The following PLA2G2E variants were observed in gnomAD, a reference collection of about 807,000 sequenced individuals.
PLA2G2E encodes the protein group IIE secretory phospholipase A2.
In PLA2G2E, 14 loss-of-function variants were observed where a neutral mutation model predicts 16.5. That is an observed-to-expected ratio of 0.85 (90% CI 0.56 to 1.33). The LOEUF (loss-of-function observed/expected upper bound fraction) is 1.33, where lower values mean the gene tolerates loss of function less well. Among genes scored for constraint, PLA2G2E ranks in the 40% most tolerant of loss-of-function variants. The pLI is 0.00. For synonymous variants in PLA2G2E, 72 were observed against 77.2 expected (o/e 0.93, Z 0.36); for missense variants, 174 against 190.7 (o/e 0.91, Z 0.52).
At position 19,920,516 on chromosome 1, in the gene PLA2G2E, C is replaced by G. The variant is rs901735847; in HGVS notation, c.287-67G>C. ...ATATGTGTGGGACAGCTCTTGGCTG[C>G]TTCTGGGTCCACGTTCTTGACCTGG... On this transcript the variant is annotated intron_variant, in intron 3 of 3. Coordinates refer to ENST00000375116, the MANE Select transcript of PLA2G2E (RefSeq NM_014589.3). The surrounding 1 kb of genome is among the most constrained non-coding windows in gnomAD (Gnocchi z 4.3). The G allele has an allele frequency of 2.0e-6, 3 of 1,528,554 alleles. No homozygotes were observed. Among genetic ancestry groups the G allele is most frequent in the Non-Finnish European group, 1.8e-6 (2 of 1,123,604 alleles). The allele number at this position is 1,528,554 out of a possible 1,614,324, so 94.7% of individuals were successfully genotyped here.
rs2045807933 is a variant in PLA2G2E, at chr1:19,920,753, C to T, written c.287-304G>A. On this transcript the variant is annotated intron_variant, in intron 3 of 3. Coordinates refer to ENST00000375116, the MANE Select transcript of PLA2G2E (RefSeq NM_014589.3). The surrounding 1 kb of genome is among the most constrained non-coding windows in gnomAD (Gnocchi z 4.3). Reference sequence around the variant, plus strand: ...ACGTGGTTCCCTAACTCTCACTGCCCCCGACCAGGGGGATTTCTAGGCAAC... The same window carrying T: ...ACGTGGTTCCCTAACTCTCACTGCCTCCGACCAGGGGGATTTCTAGGCAAC... Among the ~76,000 whole-genome samples, 1 of 152,142 alleles carries T rather than the reference C, an allele frequency of 6.6e-6. No individual in the cohort carries two copies. The highest frequency in any genetic ancestry group is 2.4e-5 in the African/African-American group (1 of 41,440).
Position 19,920,108 on chromosome 1 carries a change from AG to A in PLA2G2E, c.*198del. ...CTGAAGGGTCCATGGCTCCTGGGGC[AG>A]GGTTCTTTCTACAGAGAAGGGGTAG... On this transcript the variant is annotated 3_prime_UTR_variant, in exon 4 of 4. Coordinates refer to ENST00000375116, the MANE Select transcript of PLA2G2E (RefSeq NM_014589.3). The surrounding 1 kb of genome is among the most constrained non-coding windows in gnomAD (Gnocchi z 4.3). The A allele has an allele frequency of 1.8e-6, 1 of 563,866 alleles. No individual in the cohort carries two copies. The allele number at this position is 563,866 out of a possible 1,614,324, so 34.9% of individuals were successfully genotyped here. A position where few individuals can be genotyped will look rare whatever the true frequency, so the allele number is the denominator to read the frequency against.
At chr1:19,921,127 C>T (rs2100354588) in intron 3 of PLA2G2E, among the ~76,000 whole-genome samples, 1 of 152,378 alleles carries the variant, frequency 6.6e-6, no homozygotes, top group Non-Finnish European at 1.5e-5. Flanking sequence ...GTGGCCCTGG[C>T]TCCCTTTTGT....
At chr1:19,921,950 G>GCTC (rs1358775440) in intron 3 of PLA2G2E, among the ~76,000 whole-genome samples, 14 of 152,372 alleles carry the variant, frequency 9.2e-5, no homozygotes, top group African/African-American at 3.4e-4. Context: ...TTCACCTTTA[G>GCTC]CTCCTGTTGA....
intron 1 of PLA2G2E, 47 bp downstream of exon 1, chr1:19,923,473 G>C (rs1315802859): frequency 4.0e-6 from 6 of 1,506,958 alleles, no homozygotes; most frequent in Non-Finnish European, 5.4e-6. Flanking sequence ...AGGGAGCTTG[G>C]GGTTGCCAGA....
chr1:19,922,385 A>G lies in PLA2G2E; in HGVS notation c.199T>C (p.Cys67Arg). Residue 67 changes from cysteine (C) to arginine (R), a missense_variant, in exon 3 of 4, where the codon TGC becomes CGC. Cys to Arg is a radical substitution (Grantham distance 180). Transcript: ENST00000375116. The stretch of plus-strand genomic sequence containing the variant: ...AGCTTCTCCAGACGCCCGTAGCAGC[A>G]GTCGTGGGCGTGGCAGCACCTGTAA... Reference protein sequence around the residue: ...QTDWCCHAHDCCYGRLEKLGC... With the variant: ...QTDWCCHAHDRCYGRLEKLGC... 22 of 1,613,948 alleles carry G rather than the reference A, an allele frequency of 1.4e-5. No individual in the cohort carries two copies. The highest frequency in any genetic ancestry group is 1.8e-5 in the Non-Finnish European group (21 of 1,179,854).
At chr1:19,923,420 G>A in intron 1 of PLA2G2E, 100 bp downstream of exon 1, 6 of 1,041,242 alleles carry the variant, frequency 5.8e-6, no homozygotes, top group Non-Finnish European at 8.3e-6. Context: ...TCCAGTGTTT[G>A]GCATCCACCA....
rs1475205574 is a variant in PLA2G2E at position 19,920,215 on chromosome 1, G to A, written c.*92C>T. 1.8e-5 allele frequency: 20 copies of A among 1,126,598 alleles called. No individual in the cohort carries two copies. In the South Asian group the frequency reaches 2.8e-4, roughly 16 times the overall value. 69.8% of individuals were successfully genotyped at this position (1,126,598 alleles called of 1,614,324 possible). ...GTTTGCAGGAAAGGAATTTTCCAAAGGGAGGGCCTTTGGTGCCAATGTTCC... is the reference window on the plus strand; with the variant it reads ...GTTTGCAGGAAAGGAATTTTCCAAAAGGAGGGCCTTTGGTGCCAATGTTCC... On this transcript the variant is annotated 3_prime_UTR_variant, in exon 4 of 4. Transcript: ENST00000375116. The surrounding 1 kb of genome is among the most constrained non-coding windows in gnomAD (Gnocchi z 4.3).
In PLA2G2E at chr1:19,920,586, C is replaced by A; in HGVS notation, c.287-137G>T. 2.4e-6 allele frequency: 2 copies of A among 830,134 alleles called. No homozygotes were observed. The highest frequency in any genetic ancestry group is 1.9e-6 in the Non-Finnish European group (1 of 538,412). The allele number at this position is 830,134 out of a possible 1,614,324, so 51.4% of individuals were successfully genotyped here. A position where few individuals can be genotyped will look rare whatever the true frequency, so the allele number is the denominator to read the frequency against. On this transcript the variant is annotated intron_variant, in intron 3 of 3. Transcript: ENST00000375116. This position sits in a 1 kb window ranked among gnomAD's most constrained non-coding sequence, Gnocchi z 4.3. Reference sequence around the variant, plus strand: ...AAGCCCAAGCTCCCGGGTTGTTTCACGGATGGGTGAGACAAGAGACAAGGG... The same window carrying A: ...AAGCCCAAGCTCCCGGGTTGTTTCAAGGATGGGTGAGACAAGAGACAAGGG...
At position 19,922,759 on chromosome 1, in the gene PLA2G2E, C is replaced by A; in HGVS notation, c.41-4G>T. ...AGGTTCCCGGTGACCAGAGCCACTG[C>A]AGAGAGGGAGAGGGAGAGGGAGAGG... On this transcript the variant is annotated splice_polypyrimidine_tract_variant and splice_region_variant and intron_variant, in intron 1 of 3. Coordinates refer to ENST00000375116, the MANE Select transcript of PLA2G2E (RefSeq NM_014589.3). The A allele has an allele frequency of 6.2e-7, 1 of 1,603,276 alleles. No homozygotes were observed. The highest frequency in any genetic ancestry group is 8.5e-7 in the Non-Finnish European group (1 of 1,176,298).
In PLA2G2E at chr1:19,920,422, G is replaced by T; in HGVS notation, c.314C>A (p.Thr105Asn). The T allele has an allele frequency of 1.2e-6, 2 of 1,613,854 alleles. No individual in the cohort carries two copies. Among genetic ancestry groups the T allele is most frequent in the Non-Finnish European group, 1.7e-6 (2 of 1,179,854 alleles). Residue 105 changes from threonine to asparagine, a missense_variant, in exon 4 of 4, where the codon ACC becomes AAC. By Grantham distance (65) the Thr-to-Asn change is moderately conservative. Coordinates refer to ENST00000375116, the MANE Select transcript of PLA2G2E (RefSeq NM_014589.3). The surrounding 1 kb of genome is among the most constrained non-coding windows in gnomAD (Gnocchi z 4.3). ...GGCAGCCCTCTTGTCACACTCGCAG[G>T]TCAGCCGCTGGCAGGTGGTCCTGCC... ...CAGRTTCQRLTCECDKRAALC... is the reference protein window; with the variant it reads ...CAGRTTCQRLNCECDKRAALC...
At position 19,920,648 on chromosome 1, in the gene PLA2G2E, G is replaced by A. The variant is rs1280018467; in HGVS notation, c.287-199C>T. ...GTGGCTCAGGACACCAGGGAAGCTGGAAGCTTGCCCTCGCTGTCCCTCCCT... is the reference window on the plus strand; with the variant it reads ...GTGGCTCAGGACACCAGGGAAGCTGAAAGCTTGCCCTCGCTGTCCCTCCCT... On this transcript the variant is annotated intron_variant, in intron 3 of 3. Transcript: ENST00000375116. This position sits in a 1 kb window ranked among gnomAD's most constrained non-coding sequence, Gnocchi z 4.3. 1.3e-5 allele frequency among the ~76,000 whole-genome samples: 2 copies of A among 152,150 alleles called. No homozygotes were observed. Among genetic ancestry groups the A allele is most frequent in the Non-Finnish European group, 2.9e-5 (2 of 68,012 alleles).
At position 19,920,567 on chromosome 1, in the gene PLA2G2E, A is replaced by G; in HGVS notation, c.287-118T>C. 3 of 1,033,468 alleles carry G rather than the reference A, an allele frequency of 2.9e-6. No individual in the cohort carries two copies. Among genetic ancestry groups the G allele is most frequent in the South Asian group, 3.2e-5 (2 of 63,266 alleles). 64.0% of individuals were successfully genotyped at this position (1,033,468 alleles called of 1,614,324 possible). A position where few individuals can be genotyped will look rare whatever the true frequency, so the allele number is the denominator to read the frequency against. ...ACCAACTCCATTCTGATGGAAGCCC[A>G]AGCTCCCGGGTTGTTTCACGGATGG... On this transcript the variant is annotated intron_variant, in intron 3 of 3. Coordinates refer to ENST00000375116, the MANE Select transcript of PLA2G2E (RefSeq NM_014589.3). The surrounding 1 kb of genome is among the most constrained non-coding windows in gnomAD (Gnocchi z 4.3).
rs1388330670 is a variant in PLA2G2E, at chr1:19,922,601, C to A, written c.179+16G>T. 2 of 1,613,422 alleles carry A rather than the reference C, an allele frequency of 1.2e-6. No individual in the cohort carries two copies. The highest frequency in any genetic ancestry group is 8.5e-7 in the Non-Finnish European group (1 of 1,179,682). On this transcript the variant is annotated intron_variant, in intron 2 of 3. Coordinates refer to ENST00000375116, the MANE Select transcript of PLA2G2E (RefSeq NM_014589.3). Reference sequence around the variant, plus strand: ...CTCCATCCCCATGGAGGTCCCCCTGCAGGCTGCTTCCTCACCAGTCAGTCT... The same window carrying A: ...CTCCATCCCCATGGAGGTCCCCCTGAAGGCTGCTTCCTCACCAGTCAGTCT...
Position 19,920,164 on chromosome 1 carries a change from A to C in PLA2G2E, c.*143T>G. ...GGAGGCTAGTGATGGTCCAGGACAT[A>C]TCTCTGAGCTCTCAAGGAGGGATGA... On this transcript the variant is annotated 3_prime_UTR_variant, in exon 4 of 4. Coordinates refer to ENST00000375116, the MANE Select transcript of PLA2G2E (RefSeq NM_014589.3). The surrounding 1 kb of genome is among the most constrained non-coding windows in gnomAD (Gnocchi z 4.3). The C allele has an allele frequency of 1.4e-6, 1 of 697,532 alleles. No homozygotes were observed. Among genetic ancestry groups the C allele is most frequent in the Non-Finnish European group, 2.4e-6 (1 of 419,408 alleles). 43.2% of individuals were successfully genotyped at this position (697,532 alleles called of 1,614,324 possible). A position where few individuals can be genotyped will look rare whatever the true frequency, so the allele number is the denominator to read the frequency against.
At position 19,920,320 on chromosome 1, in the gene PLA2G2E, G is replaced by C; in HGVS notation, c.416C>G (p.Thr139Ser). ...CCGAGCATAGCCTCAGCAGGGCGGG[G>C]TGGGCCCGGTGCACAGCTTGTTGGG... ...HYPNKLCTGPTPPC is the reference protein window; with the variant it reads ...HYPNKLCTGPSPPC Residue 139 changes from threonine (T) to serine (S), a missense_variant, in exon 4 of 4, where the codon ACC becomes AGC. Physicochemically the swap from Thr to Ser is moderately conservative, Grantham distance 58. Transcript: ENST00000375116. This position sits in a 1 kb window ranked among gnomAD's most constrained non-coding sequence, Gnocchi z 4.3. The C allele has an allele frequency of 6.2e-7, 1 of 1,612,480 alleles. No homozygotes were observed. The highest frequency in any genetic ancestry group is 8.5e-7 in the Non-Finnish European group (1 of 1,179,674).
At chr1:19,921,920 G>A (rs2045819230) in intron 3 of PLA2G2E, among the ~76,000 whole-genome samples, 1 of 152,248 alleles carries the variant, frequency 6.6e-6, no homozygotes, top group African/African-American at 2.4e-5. Context: ...CAAAGCCCCA[G>A]CTCGTTCTGT....
In PLA2G2E at chr1:19,922,759, CAGAGAG is replaced by C. The variant is rs752598234; in HGVS notation, c.41-10_41-5del. ...AGGTTCCCGGTGACCAGAGCCACTG[CAGAGAG>C]GGAGAGGGAGAGGGAGAGGGAGGGC... On this transcript the variant is annotated splice_polypyrimidine_tract_variant and splice_region_variant and intron_variant, in intron 1 of 3. Transcript: ENST00000375116. 9.4e-6 allele frequency: 15 copies of C among 1,603,282 alleles called. No individual in the cohort carries two copies. In the African/African-American group the frequency reaches 2.0e-4, roughly 21 times the overall value.
rs1415291732 is a variant in PLA2G2E, at chr1:19,920,639, G to A, written c.287-190C>T. Among the ~76,000 whole-genome samples, 1 of 152,154 alleles carries A rather than the reference G, an allele frequency of 6.6e-6. No individual in the cohort carries two copies. Among genetic ancestry groups the A allele is most frequent in the Non-Finnish European group, 1.5e-5 (1 of 68,014 alleles). ...GGGCGCACTGTGGCTCAGGACACCA[G>A]GGAAGCTGGAAGCTTGCCCTCGCTG... On this transcript the variant is annotated intron_variant, in intron 3 of 3. Coordinates refer to ENST00000375116, the MANE Select transcript of PLA2G2E (RefSeq NM_014589.3). The surrounding 1 kb of genome is among the most constrained non-coding windows in gnomAD (Gnocchi z 4.3).
Sources: allele counts gnomAD v4.1 joint callset (sites outside exome capture counted in the v4.1 genomes callset), GRCh38; gene constraint gnomAD v4.1.1; non-coding constraint Gnocchi (gnomAD v3.1); transcripts MANE v1.5; gene names NCBI Gene and HGNC (gene_info 2026-07-23, HGNC 2026-07-21).